SLIT3: variants seen among roughly 807,000 people sequenced by gnomAD.
SLIT3 encodes the protein slit guidance ligand 3.
SLIT3 carries 68 observed loss-of-function variants against 184.0 expected under a neutral mutation model. The ratio of observed to expected loss-of-function variants is 0.37; its 90% confidence interval spans 0.30 to 0.45. The LOEUF is 0.45. Ranked by LOEUF, SLIT3 falls within the 20% of genes least tolerant of loss-of-function variation. SLIT3 has a pLI of 1.00. For synonymous variants in SLIT3, 831 were observed against 828.6 expected (o/e 1.00, Z -0.05); for missense variants, 1,707 against 2,026.0 (o/e 0.84, Z 3.02).
rs34255426 is a variant in SLIT3, at chr5:169,169,037, TGG to T, written c.413+24440_413+24441del. On this transcript the variant is annotated intron_variant, in intron 4 of 35. Transcript: ENST00000519560. ...ATCCCAGAGCAGGGTCAGCCCAGAG[TGG>T]GGGGGGGATCACCTTTTTCTAACTC... Among the ~76,000 whole-genome samples the T allele has an allele frequency of 4.6e-4, 68 of 149,368 alleles. 1 individual carries two copies. In the South Asian group the frequency reaches 8.5e-3, roughly 19 times the overall value.
In SLIT3 at chr5:169,143,205, C is replaced by A. The variant is rs142424586; in HGVS notation, c.413+50274G>T. The stretch of plus-strand genomic sequence containing the variant: ...CTGAGCACCTACTAGGTGCCAGATA[C>A]TGTACCATGCCATTCAGTAATAACA... On this transcript the variant is annotated intron_variant, in intron 4 of 35. Transcript: ENST00000519560. Among the ~76,000 whole-genome samples, 144 of 152,342 alleles carry A rather than the reference C, an allele frequency of 9.5e-4. 5 individuals carry two copies. Among genetic ancestry groups the A allele is most frequent in the African/African-American group, 3.4e-3 (140 of 41,574 alleles).
At position 168,691,615 on chromosome 5, in the gene SLIT3, G is replaced by T. The variant is rs560321203; in HGVS notation, c.3176+992C>A. Among the ~76,000 whole-genome samples, 12 of 152,344 alleles carry T rather than the reference G, an allele frequency of 7.9e-5. No individual in the cohort carries two copies. The South Asian group carries it at 2.5e-3, about 32-fold the overall frequency. ...GGCCCTCATCTCTAGGGGAGGCTCT[G>T]TAAGGTCATTTATGGGGTCTGCTAA... is the stretch of plus-strand genomic sequence containing the variant. On this transcript the variant is annotated intron_variant, in intron 29 of 35. Transcript: ENST00000519560.
rs548196971 is a variant in SLIT3 at position 169,273,476 on chromosome 5, A to T, written c.198-22017T>A. Among the ~76,000 whole-genome samples the T allele has an allele frequency of 7.9e-5, 12 of 152,298 alleles. No homozygotes were observed. The East Asian group carries it at 2.1e-3, about 27-fold the overall frequency. ...TGCAGCCAAATGCTCTAGGTCAGTG[A>T]TTCCCAGTCTTGGCTGCAAATTAGA... On this transcript the variant is annotated intron_variant, in intron 1 of 35. Transcript: ENST00000519560.
intron 1 of SLIT3, among the ~76,000 whole-genome samples, chr5:169,264,216 CAG>C (rs1354920978): frequency 6.6e-6 from 1 of 151,980 alleles, no homozygotes; most frequent in African/African-American, 2.4e-5. Flanking sequence ...TTTTTTGAGA[CAG>C]AGTCTCGCTC....
At chr5:168,824,127 G>T (rs1051600246) in intron 6 of SLIT3, among the ~76,000 whole-genome samples, 1 of 152,154 alleles carries the variant, frequency 6.6e-6, no homozygotes, top group Non-Finnish European at 1.5e-5. Context: ...AGTAGAGACA[G>T]GATTTCACCA....
intron 5 of SLIT3, among the ~76,000 whole-genome samples, chr5:168,875,626 C>T (rs1759705179): frequency 6.7e-6 from 1 of 149,376 alleles, no homozygotes; most frequent in South Asian, 2.1e-4. Context: ...AAGAGCAAAA[C>T]TCCGCCTTAA....
Position 169,181,693 on chromosome 5 carries a change from A to T in SLIT3, c.413+11786T>A, listed in dbSNP as rs538886518. On this transcript the variant is annotated intron_variant, in intron 4 of 35. Transcript: ENST00000519560. ...GAGGTGGAGGTTGCAGTGAGCCAAG[A>T]TCGTGCCACTGCCACTCCAGCCTGG... Among the ~76,000 whole-genome samples, 24 of 151,432 alleles carry T rather than the reference A, an allele frequency of 1.6e-4. No individual in the cohort carries two copies. The South Asian group carries it at 4.0e-3, about 25-fold the overall frequency.
chr5:168,757,912 A>G (rs993554827), intron 16 of SLIT3, among the ~76,000 whole-genome samples: 2 of 152,222 alleles, frequency 1.3e-5, no homozygotes, highest in Admixed American at 6.5e-5. Context: ...TATTATGTAA[A>G]TGATGAAACT....
chr5:168,778,490 C>T (rs1178886565), intron 12 of SLIT3, among the ~76,000 whole-genome samples: 1 of 152,226 alleles, frequency 6.6e-6, no homozygotes, highest in East Asian at 1.9e-4. Context: ...CCCTGCTTGC[C>T]TCCTGGGAGT....
chr5:169,055,056 T>C (rs1324071288), intron 4 of SLIT3, among the ~76,000 whole-genome samples: 1 of 152,134 alleles, frequency 6.6e-6, no homozygotes, highest in Non-Finnish European at 1.5e-5. Context: ...AACAGATGAC[T>C]TTACAAAAAC....
At chr5:168,769,197 G>GATGC (rs1203349408) in intron 14 of SLIT3, among the ~76,000 whole-genome samples, 1 of 152,114 alleles carries the variant, frequency 6.6e-6, no homozygotes, top group Non-Finnish European at 1.5e-5. Context: ...CCACTGTCAG[G>GATGC]ATGCCAAAGG....
At chr5:168,755,397 C>CTTTCTTTCTTTTCT (rs1754868260) in intron 16 of SLIT3, among the ~76,000 whole-genome samples, 1 of 14,798 alleles carries the variant, frequency 6.8e-5, no homozygotes, top group Non-Finnish European at 1.1e-4. Context: ...CCATTTCTTT[C>CTTTCTTTCTTTTCT]TTTCTTTCTT....
intron 4 of SLIT3, among the ~76,000 whole-genome samples, chr5:169,141,197 C>T (rs959631599): frequency 6.6e-6 from 1 of 152,080 alleles, no homozygotes; most frequent in Admixed American, 6.5e-5. Context: ...TTAGGTCTAC[C>T]CCGACATGAC....
intron 4 of SLIT3, among the ~76,000 whole-genome samples, chr5:169,067,811 C>A (rs1015633557): frequency 7.2e-5 from 11 of 152,200 alleles, no homozygotes; most frequent in African/African-American, 2.4e-4. Flanking sequence ...GGCTTCCCAG[C>A]CTCCAACTCA....
intron 4 of SLIT3, among the ~76,000 whole-genome samples, chr5:168,899,847 TG>T (rs1190151508): frequency 1.3e-5 from 2 of 152,162 alleles, no homozygotes; most frequent in African/African-American, 4.8e-5. Flanking sequence ...TGGACTTCTG[TG>T]CTCTGTGATG....
intron 4 of SLIT3, among the ~76,000 whole-genome samples, chr5:169,156,897 C>T (rs1003682405): frequency 3.3e-5 from 5 of 152,298 alleles, no homozygotes; most frequent in Admixed American, 2.6e-4. Context: ...CTTGGGACCT[C>T]AGGAATGACA....
At chr5:168,876,083 C>T (rs1418251703) in intron 5 of SLIT3, among the ~76,000 whole-genome samples, 1 of 152,138 alleles carries the variant, frequency 6.6e-6, no homozygotes, top group East Asian at 1.9e-4. Flanking sequence ...ACTCTTCCTG[C>T]GTCAGAGCCG....
Position 168,831,862 on chromosome 5 carries a change from G to A in SLIT3, c.558-8531C>T, listed in dbSNP as rs116576356. On this transcript the variant is annotated intron_variant, in intron 6 of 35. Transcript: ENST00000519560. ...TTCATATTATGACAGGCAGAAATTCGTCTCCATCCACTCGGCAGAGCCTCG... is the reference window on the plus strand; with the variant it reads ...TTCATATTATGACAGGCAGAAATTCATCTCCATCCACTCGGCAGAGCCTCG... Among the ~76,000 whole-genome samples the A allele has an allele frequency of 5.4e-3, 820 of 152,252 alleles. 5 individuals are homozygous for A. The highest frequency in any genetic ancestry group is 0.018 in the African/African-American group (758 of 41,554).
intron 4 of SLIT3, among the ~76,000 whole-genome samples, chr5:168,919,746 CAGATT>C (rs1357972766): frequency 1.3e-5 from 2 of 151,864 alleles, no homozygotes; most frequent in African/African-American, 4.8e-5. Context: ...TTTTCTTTTT[CAGATT>C]AAACTCCAAA....
Sources: gnomAD v4.1 joint callset for allele counts (sites outside exome capture counted in the v4.1 genomes callset) on GRCh38, gnomAD v4.1.1 for gene constraint, MANE v1.5 for transcripts, NCBI Gene and HGNC (gene_info 2026-07-23, HGNC 2026-07-21) for gene names.